Variants in GRID2 observed in about 807,000 individuals in gnomAD.
The protein encoded by GRID2 is glutamate receptor ionotropic, delta-2.
Under a neutral mutation model 114.8 loss-of-function variants are expected in GRID2, and 33 were observed. The observed-to-expected ratio is 0.29, with a 90% CI of 0.22 to 0.38. The LOEUF (loss-of-function observed/expected upper bound fraction) is 0.38. GRID2 is among the 10% of genes least tolerant of loss of function. The pLI, the probability that GRID2 is intolerant of heterozygous loss-of-function variation, is 1.00. For synonymous variants in GRID2, 505 were observed against 449.9 expected, an observed-to-expected ratio of 1.12 and a Z score of -1.55; for missense variants, 1,184 against 1,257.7, an observed-to-expected ratio of 0.94 and a Z score of 0.89.
chr4:92,649,691 A>G (rs11937751), intron 2 of GRID2, among the ~76,000 whole-genome samples: 62,314 of 151,726 alleles, frequency 0.41, 13,552 homozygotes, highest in African/African-American at 0.55. Flanking sequence ...CAATAACAAG[A>G]TCATAATTCT....
rs1215488218 is a variant in GRID2 at position 92,394,034 on chromosome 4, T to C, written c.88+89290T>C. 3.6e-4 allele frequency among the ~76,000 whole-genome samples: 54 copies of C among 152,002 alleles called. 1 individual carries two copies. The highest frequency in any genetic ancestry group is 3.5e-3 in the Admixed American group (54 of 15,234). ...AATTATTAGGAAGCTAAGCAAAGGG[T>C]GATTTGGTTTGTATAAGGTTACTCA... is the stretch of plus-strand genomic sequence containing the variant. On this transcript the variant is annotated intron_variant, in intron 1 of 15. Coordinates refer to ENST00000282020, the MANE Select transcript of GRID2 (RefSeq NM_001510.4).
intron 2 of GRID2, among the ~76,000 whole-genome samples, chr4:92,833,511 C>A (rs1263091991): frequency 6.6e-6 from 1 of 152,168 alleles, no homozygotes; most frequent in African/African-American, 2.4e-5. Context: ...TTCTCTGTAG[C>A]AAATGACTTA....
intron 1 of GRID2, among the ~76,000 whole-genome samples, chr4:92,456,921 T>C (rs1721244401): frequency 6.6e-6 from 1 of 152,164 alleles, no homozygotes; most frequent in Non-Finnish European, 1.5e-5. Flanking sequence ...TATGAAATAT[T>C]TGTGCCTAAA....
At chr4:92,545,879 A>G (rs1321173776) in intron 1 of GRID2, among the ~76,000 whole-genome samples, 2 of 152,216 alleles carry the variant, frequency 1.3e-5, no homozygotes, top group Non-Finnish European at 2.9e-5. Flanking sequence ...AAAGGCTAAC[A>G]TAAAATATAA....
At chr4:93,663,547 T>C (rs975988563) in intron 14 of GRID2, among the ~76,000 whole-genome samples, 1 of 152,064 alleles carries the variant, frequency 6.6e-6, no homozygotes, top group Non-Finnish European at 1.5e-5. Flanking sequence ...TGTGTATAAA[T>C]AGAATATGAC....
At chr4:92,720,973 A>G (rs1428084229) in intron 2 of GRID2, among the ~76,000 whole-genome samples, 1 of 152,140 alleles carries the variant, frequency 6.6e-6, no homozygotes, top group Non-Finnish European at 1.5e-5. Flanking sequence ...TTGAGCCTTA[A>G]GAAGGAAGAC....
intron 13 of GRID2, among the ~76,000 whole-genome samples, chr4:93,606,632 A>T (rs937935100): frequency 6.6e-6 from 1 of 152,218 alleles, no homozygotes; most frequent in Non-Finnish European, 1.5e-5. Flanking sequence ...TAGCAATTTT[A>T]TCATAAATTT....
At chr4:92,619,077 T>C (rs865956928) in intron 2 of GRID2, among the ~76,000 whole-genome samples, 1 of 151,662 alleles carries the variant, frequency 6.6e-6, no homozygotes, top group Non-Finnish European at 1.5e-5. Flanking sequence ...AGCCTGGATA[T>C]CTAGGAGTTG....
intron 1 of GRID2, among the ~76,000 whole-genome samples, chr4:92,312,604 A>G (rs1348332502): frequency 6.6e-6 from 1 of 150,812 alleles, no homozygotes; most frequent in Non-Finnish European, 1.5e-5. Flanking sequence ...TTAGGGTACA[A>G]ATCAAAATGT....
chr4:92,781,881 A>G (rs1412383859), intron 2 of GRID2, among the ~76,000 whole-genome samples: 1 of 152,104 alleles, frequency 6.6e-6, no homozygotes, highest in African/African-American at 2.4e-5. Flanking sequence ...ATTTTAAAAT[A>G]TGTATTGGAC....
chr4:93,328,741 G>GGATA lies in GRID2; in HGVS notation c.1246-66863_1246-66862insAGAT, dbSNP rs1425752347. ...TGGATGGATGGATGGATGGATGGAT[G>GGATA]GATGGATAGACAAATGATACTCAGG... On this transcript the variant is annotated intron_variant, in intron 8 of 15. Transcript: ENST00000282020. 1.8e-3 allele frequency among the ~76,000 whole-genome samples: 267 copies of GGATA among 151,444 alleles called. 2 individuals carry two copies. The highest frequency in any genetic ancestry group is 6.0e-3 in the African/African-American group (248 of 41,384).
At chr4:93,102,346 C>T (rs1731785346) in intron 3 of GRID2, among the ~76,000 whole-genome samples, 1 of 152,102 alleles carries the variant, frequency 6.6e-6, no homozygotes, top group South Asian at 2.1e-4. Flanking sequence ...CCTAGATATG[C>T]ATAATAAGTA....
chr4:92,551,963 C>A (rs1726614044), intron 1 of GRID2, among the ~76,000 whole-genome samples: 1 of 151,648 alleles, frequency 6.6e-6, no homozygotes, highest in Non-Finnish European at 1.5e-5. Context: ...GATGTAAAAC[C>A]TAAGATAAAG....
chr4:92,899,635 C>G (rs182791142), intron 2 of GRID2, among the ~76,000 whole-genome samples: 2 of 152,022 alleles, frequency 1.3e-5, no homozygotes, highest in Admixed American at 6.6e-5. Flanking sequence ...AAGAAGAACA[C>G]TATGATCTTC....
At chr4:92,404,053 C>T (rs894020409) in intron 1 of GRID2, among the ~76,000 whole-genome samples, 3 of 151,954 alleles carry the variant, frequency 2.0e-5, no homozygotes, top group African/African-American at 7.3e-5. Flanking sequence ...ATTACCAAAA[C>T]GTGACGCAGA....
chr4:93,536,783 A>G (rs1329045836), intron 13 of GRID2, among the ~76,000 whole-genome samples: 1 of 151,724 alleles, frequency 6.6e-6, no homozygotes, highest in East Asian at 1.9e-4. Flanking sequence ...AATCAAATAA[A>G]TAAGGGACAT....
intron 2 of GRID2, among the ~76,000 whole-genome samples, chr4:92,820,515 C>G (rs1489968219): frequency 1.3e-5 from 2 of 152,058 alleles, no homozygotes; most frequent in African/African-American, 2.4e-5. Flanking sequence ...AGAAAGAAAA[C>G]AGCACTATGC....
chr4:92,717,933 ATGAT>A (rs1285141036), intron 2 of GRID2, among the ~76,000 whole-genome samples: 1 of 152,162 alleles, frequency 6.6e-6, no homozygotes, highest in Non-Finnish European at 1.5e-5. Flanking sequence ...AATACAATGA[ATGAT>A]TGTTTTAACA....
chr4:93,347,680 G>C (rs1265621319), intron 8 of GRID2, among the ~76,000 whole-genome samples: 1 of 151,960 alleles, frequency 6.6e-6, no homozygotes, highest in African/African-American at 2.4e-5. Flanking sequence ...GTATTACTTA[G>C]TTAACAACCC....
Sources: allele counts gnomAD v4.1 joint callset (sites outside exome capture counted in the v4.1 genomes callset), GRCh38; gene constraint gnomAD v4.1.1; transcripts MANE v1.5; gene names NCBI Gene and HGNC (gene_info 2026-07-23, HGNC 2026-07-21).